DENND4C: variants seen among roughly 807,000 people sequenced by gnomAD.
The protein encoded by DENND4C is DENN domain containing 4C.
In DENND4C, 108 loss-of-function variants were observed where a neutral mutation model predicts 203.0. The observed-to-expected ratio is 0.53, with a 90% CI of 0.46 to 0.62. The LOEUF (loss-of-function observed/expected upper bound fraction) is 0.62. Among genes scored for constraint, DENND4C ranks in the 20% least tolerant of loss-of-function variants. DENND4C has a pLI of 0.00. For synonymous variants in DENND4C, 871 were observed against 792.4 expected (o/e 1.10, Z -1.67); for missense variants, 2,481 against 2,301.2 (o/e 1.08, Z -1.60).
intron 1 of DENND4C, among the ~76,000 whole-genome samples, chr9:19,235,734 C>T (rs1821806357): frequency 1.3e-5 from 2 of 151,672 alleles, no homozygotes; most frequent in South Asian, 4.2e-4. Flanking sequence ...CCTCAGCCTC[C>T]CAAATAGCTG....
In DENND4C at chr9:19,244,733, C is replaced by T. The variant is rs1302257216; in HGVS notation, c.-18+13900C>T. Among the ~76,000 whole-genome samples the T allele has an allele frequency of 3.0e-4, 26 of 85,690 alleles. No individual in the cohort carries two copies. In the Admixed American group the frequency reaches 3.9e-3, roughly 13 times the overall value. The allele number at this position is 85,690 out of a possible 152,430, so 56.2% of individuals were successfully genotyped here. A position where few individuals can be genotyped will look rare whatever the true frequency, so the allele number is the denominator to read the frequency against. On this transcript the variant is annotated intron_variant, in intron 1 of 32. Coordinates refer to ENST00000434457, the MANE Select transcript of DENND4C (RefSeq NM_001330640.2). ...CCAGCCTGGGTGACAGAGCGAGACCCCACCTCAAAAAAAAAAAAAAAAGTA... is the reference window on the plus strand; with the variant it reads ...CCAGCCTGGGTGACAGAGCGAGACCTCACCTCAAAAAAAAAAAAAAAAGTA...
intron 1 of DENND4C, among the ~76,000 whole-genome samples, chr9:19,259,074 A>G (rs1828702337): frequency 6.6e-6 from 1 of 152,104 alleles, no homozygotes; most frequent in South Asian, 2.1e-4. Context: ...CCATCACTTC[A>G]AGTGTTTATC....
At chr9:19,280,441 C>T (rs1038733585) in intron 2 of DENND4C, among the ~76,000 whole-genome samples, 4 of 152,174 alleles carry the variant, frequency 2.6e-5, no homozygotes, top group South Asian at 2.1e-4. Context: ...CCCTGTGCCC[C>T]GCCGGAAGGG....
At chr9:19,268,563 GTTCTT>G (rs1830988492) in intron 1 of DENND4C, among the ~76,000 whole-genome samples, 1 of 152,092 alleles carries the variant, frequency 6.6e-6, no homozygotes, top group Non-Finnish European at 1.5e-5. Context: ...GCTCATTACT[GTTCTT>G]TTCTTTCAGA....
chr9:19,263,656 C>CCTTTTTTTTT (rs1287405760), intron 1 of DENND4C, among the ~76,000 whole-genome samples: 1 of 135,268 alleles, frequency 7.4e-6, no homozygotes, highest in African/African-American at 2.9e-5. Flanking sequence ...ATTTTCTTCC[C>CCTTTTTTTTT]ATTTTTTTTT....
At chr9:19,274,524 A>G (rs1012762327) in intron 1 of DENND4C, among the ~76,000 whole-genome samples, 1 of 152,038 alleles carries the variant, frequency 6.6e-6, no homozygotes, top group Admixed American at 6.6e-5. Context: ...CAAACTCCCA[A>G]CCTCAGGTGT....
chr9:19,322,595 G>GCCCA (rs1843061275), intron 12 of DENND4C, among the ~76,000 whole-genome samples: 1 of 151,886 alleles, frequency 6.6e-6, no homozygotes, highest in Admixed American at 6.6e-5. Context: ...AATTAGCCAG[G>GCCCA]CGTGGTGGCG....
chr9:19,336,753 T>C lies in DENND4C; in HGVS notation c.2802T>C (p.Asn934=). Residue 934 remains asparagine (N), a synonymous_variant, in exon 20 of 33, where the codon AAT becomes AAC. Coordinates refer to ENST00000434457, the MANE Select transcript of DENND4C (RefSeq NM_001330640.2). ...TVSHGSVDSS[N]DANNGEHTVF... Reference sequence around the variant, plus strand: ...GCCACGGTAGTGTGGATAGTTCTAATGATGCTAACAATGGGGAGCACACAG... The same window carrying C: ...GCCACGGTAGTGTGGATAGTTCTAACGATGCTAACAATGGGGAGCACACAG... The C allele has an allele frequency of 6.4e-7, 1 of 1,551,064 alleles. No homozygotes were observed. Among genetic ancestry groups the C allele is most frequent in the South Asian group, 1.2e-5 (1 of 84,068 alleles).
intron 1 of DENND4C, among the ~76,000 whole-genome samples, chr9:19,245,384 G>C (rs550342356): frequency 3.3e-5 from 5 of 150,764 alleles, no homozygotes; most frequent in Non-Finnish European, 7.4e-5. Context: ...GGAGAATGGT[G>C]TGAACCCGGG....
Position 19,276,441 on chromosome 9 carries a change from T to G in DENND4C, c.267T>G (p.Tyr89Ter). ...SLKSPELFLCYKRGRDKPPLT... is the reference protein window; with the variant it reads ...SLKSPELFLC ...AAAGCCCAGAACTTTTCCTCTGTTA[T>G]AAGAGAGGGAGAGATAAACCACCGC... The change falls in exon 2 of 33, where the codon TAT (tyrosine) becomes TAG (stop). Residue 89 changes from tyrosine (Y) to a stop codon, truncating the protein, a stop_gained. Transcript: ENST00000434457. LOFTEE classifies it high-confidence loss of function. 1 of 1,232,112 alleles carries G rather than the reference T, an allele frequency of 8.1e-7. No individual in the cohort carries two copies. Among genetic ancestry groups the G allele is most frequent in the Non-Finnish European group, 1.0e-6 (1 of 987,950 alleles). The allele number at this position is 1,232,112 out of a possible 1,614,324, so 76.3% of individuals were successfully genotyped here.
At chr9:19,275,806 C>T (rs140852950) in intron 1 of DENND4C, among the ~76,000 whole-genome samples, 1,723 of 152,218 alleles carry the variant, frequency 0.011, 15 homozygotes, top group Middle Eastern at 0.02. Context: ...AGGGTTTCAC[C>T]AGGTTGGGCA....
intron 31 of DENND4C, among the ~76,000 whole-genome samples, chr9:19,370,972 A>G (rs1828716533): frequency 6.6e-6 from 1 of 152,244 alleles, no homozygotes; most frequent in Non-Finnish European, 1.5e-5. Flanking sequence ...GTTGAGGTAG[A>G]GATGACCTTC....
At chr9:19,361,138 C>G (rs1826396688) in intron 29 of DENND4C, among the ~76,000 whole-genome samples, 1 of 152,204 alleles carries the variant, frequency 6.6e-6, no homozygotes, top group African/African-American at 2.4e-5. Flanking sequence ...GCTGGGATTA[C>G]AGGCGTGAGC....
chr9:19,296,328 A>G (rs1269619995), intron 6 of DENND4C, 82 bp downstream of exon 6: 1 of 1,024,572 alleles, frequency 9.8e-7, no homozygotes, highest in East Asian at 2.4e-5. Flanking sequence ...TTTTAGCAGC[A>G]AAGTTGGAAG....
chr9:19,339,469 T>C (rs7043436), intron 20 of DENND4C, among the ~76,000 whole-genome samples: 8 of 152,326 alleles, frequency 5.3e-5, no homozygotes, highest in African/African-American at 9.6e-5. Context: ...TATTTCCTAG[T>C]GTTTAGGTTA....
intron 17 of DENND4C, among the ~76,000 whole-genome samples, chr9:19,332,564 C>T (rs1419990017): frequency 2.7e-5 from 4 of 148,266 alleles, no homozygotes; most frequent in Admixed American, 6.8e-5. Context: ...GGGGTCTCAC[C>T]GTGTTGGCCA....
chr9:19,372,360 C>G lies in DENND4C; in HGVS notation c.*187C>G. On this transcript the variant is annotated 3_prime_UTR_variant, in exon 33 of 33. Transcript: ENST00000434457. Reference sequence around the variant, plus strand: ...GAAATATGAAGTGCCATTTGAATGTCCCAGGGCTTATTAATATTGAAGATT... The same window carrying G: ...GAAATATGAAGTGCCATTTGAATGTGCCAGGGCTTATTAATATTGAAGATT... 3.2e-6 allele frequency: 2 copies of G among 627,918 alleles called. No individual in the cohort carries two copies. Among genetic ancestry groups the G allele is most frequent in the Non-Finnish European group, 4.9e-6 (2 of 408,664 alleles). 38.9% of individuals were successfully genotyped at this position (627,918 alleles called of 1,614,324 possible).
chr9:19,315,534 T>TGTGTATATATATAC (rs1215533713), intron 10 of DENND4C, among the ~76,000 whole-genome samples: 1 of 151,244 alleles, frequency 6.6e-6, no homozygotes, highest in Non-Finnish European at 1.5e-5. Flanking sequence ...TATATATGTA[T>TGTGTATATATATAC]GTGTATATAT....
intron 1 of DENND4C, among the ~76,000 whole-genome samples, chr9:19,239,718 C>G (rs1471832272): frequency 2.0e-5 from 3 of 152,130 alleles, no homozygotes; most frequent in Admixed American, 6.6e-5. Flanking sequence ...AACTCTTGAC[C>G]TGAGGTGTAC....
Sources: gnomAD v4.1 joint callset for allele counts (sites outside exome capture counted in the v4.1 genomes callset) on GRCh38, gnomAD v4.1.1 for gene constraint, MANE v1.5 for transcripts, NCBI Gene and HGNC (gene_info 2026-07-23, HGNC 2026-07-21) for gene names.